The following EXT2 variants were observed in gnomAD, a reference collection of about 807,000 sequenced individuals.
EXT2 encodes exostosin glycosyltransferase 2.
A neutral mutation model predicts 81.6 loss-of-function variants in EXT2; 53 were observed. The observed-to-expected ratio is 0.65, with a 90% CI of 0.52 to 0.82. The LOEUF is 0.82. Among genes scored for constraint, EXT2 ranks in the 40% least tolerant of loss-of-function variants. The probability of loss-of-function intolerance (pLI) is 0.00; values close to 1 mark genes in which losing one functional copy is unlikely to be tolerated. For missense variants in EXT2, 774 were observed against 910.2 expected (o/e 0.85, Z 1.93); for synonymous variants, 320 against 340.0 (o/e 0.94, Z 0.65).
intron 7 of EXT2, among the ~76,000 whole-genome samples, chr11:44,158,319 T>G (rs1954882995): frequency 6.6e-6 from 1 of 152,180 alleles, no homozygotes; most frequent in African/African-American, 2.4e-5. Context: ...CTTTCAAGTT[T>G]ATTTAGGACC....
chr11:44,233,726 G>C (rs1955925146), intron 11 of EXT2, among the ~76,000 whole-genome samples: 1 of 151,984 alleles, frequency 6.6e-6, no homozygotes, highest in Non-Finnish European at 1.5e-5. Context: ...TCCAGAAATG[G>C]GTTTTTTTAT....
intron 12 of EXT2, among the ~76,000 whole-genome samples, chr11:44,235,296 A>G (rs1174490358): frequency 8.4e-6 from 1 of 119,742 alleles, no homozygotes; most frequent in Non-Finnish European, 1.6e-5. Flanking sequence ...GTGCAGTGGC[A>G]CAGTCTCGGC....
chr11:44,103,738 T>A (rs1356881592), intron 1 of EXT2: 1 of 393,032 alleles, frequency 2.5e-6, no homozygotes, highest in South Asian at 2.0e-5. Context: ...CTCCTTGAGA[T>A]GCTTTTGGTA....
chr11:44,182,788 A>G (rs779339003), intron 8 of EXT2, among the ~76,000 whole-genome samples: 1 of 152,232 alleles, frequency 6.6e-6, no homozygotes, highest in Non-Finnish European at 1.5e-5. Context: ...TTGGTGCAAT[A>G]TTATTATTTA....
chr11:44,233,577 T>A (rs1176650961), intron 11 of EXT2, among the ~76,000 whole-genome samples: 2 of 152,210 alleles, frequency 1.3e-5, no homozygotes, highest in African/African-American at 2.4e-5. Flanking sequence ...ACTTGTCTGT[T>A]GTCAGCAGTA....
intron 8 of EXT2, among the ~76,000 whole-genome samples, chr11:44,186,283 C>T (rs779625310): frequency 3.3e-5 from 5 of 152,188 alleles, no homozygotes; most frequent in Non-Finnish European, 5.9e-5. Flanking sequence ...TACTTGCAGA[C>T]TGCTGTAACT....
chr11:44,145,231 A>G (rs1954700902), intron 7 of EXT2, among the ~76,000 whole-genome samples: 1 of 152,192 alleles, frequency 6.6e-6, no homozygotes. Context: ...TTGGCAAGAA[A>G]TCAAACATCT....
intron 9 of EXT2, 189 bp downstream of exon 9, chr11:44,198,207 C>T: frequency 1.5e-6 from 1 of 646,912 alleles, no homozygotes; most frequent in South Asian, 1.8e-5. Context: ...CCCTGGCATA[C>T]TCTGTAGCCA....
chr11:44,200,439 T>C (rs1370484787), intron 9 of EXT2, among the ~76,000 whole-genome samples: 1 of 152,172 alleles, frequency 6.6e-6, no homozygotes, highest in Non-Finnish European at 1.5e-5. Flanking sequence ...TTTCATCACA[T>C]TGATTTTGAG....
intron 8 of EXT2, among the ~76,000 whole-genome samples, chr11:44,173,930 G>A (rs4755789): frequency 0.91 from 139,285 of 152,282 alleles, 63,794 homozygotes; most frequent in East Asian, 0.99. Context: ...TAAATATGTG[G>A]ACATATCTAC....
intron 9 of EXT2, among the ~76,000 whole-genome samples, chr11:44,206,001 G>A (rs1955578128): frequency 1.3e-5 from 2 of 152,208 alleles, no homozygotes; most frequent in South Asian, 4.1e-4. Flanking sequence ...AAGTAGAATG[G>A]GAAAAAAATG....
At chr11:44,213,273 C>T (rs1308441534) in intron 10 of EXT2, among the ~76,000 whole-genome samples, 1 of 152,108 alleles carries the variant, frequency 6.6e-6, no homozygotes, top group South Asian at 2.1e-4. Flanking sequence ...AAGTAGAAAA[C>T]AGACCAACAG....
chr11:44,136,981 GT>G lies in EXT2; in HGVS notation c.1173+6854del, dbSNP rs1038243663. Among the ~76,000 whole-genome samples, 47 of 147,198 alleles carry G rather than the reference GT, an allele frequency of 3.2e-4. 1 individual carries two copies. In the Middle Eastern group the frequency reaches 0.011, roughly 33 times the overall value. On this transcript the variant is annotated intron_variant, in intron 7 of 13. Transcript: ENST00000533608. ...TTTGTGGGATATTTTAAATTTCACA[GT>G]TTTTTTTTTTCAGTAGCACTCTATA...
chr11:44,248,968 T>TG lies in EXT2; in HGVS notation c.*4681_*4682insG, dbSNP rs1956118043. Reference sequence around the variant, plus strand: ...TTGCAACCATTTCAGGGTAGAGTTTTTTTGTTTGTTTGTTTGTTTGTTTTT... The same window carrying TG: ...TTGCAACCATTTCAGGGTAGAGTTTTGTTTGTTTGTTTGTTTGTTTGTTTTT... On this transcript the variant is annotated 3_prime_UTR_variant, in exon 14 of 14. Transcript: ENST00000533608. Among the ~76,000 whole-genome samples the TG allele has an allele frequency of 6.6e-6, 1 of 152,062 alleles. No homozygotes were observed. The highest frequency in any genetic ancestry group is 2.4e-5 in the African/African-American group (1 of 41,456).
intron 4 of EXT2, among the ~76,000 whole-genome samples, chr11:44,115,243 CAG>C (rs1954205329): frequency 6.6e-6 from 1 of 152,152 alleles, no homozygotes; most frequent in Admixed American, 6.6e-5. Flanking sequence ...TTTTAAGTGA[CAG>C]AGTCTTGCTA....
At chr11:44,153,969 G>A (rs1013688164) in intron 7 of EXT2, among the ~76,000 whole-genome samples, 1 of 150,926 alleles carries the variant, frequency 6.6e-6, no homozygotes, top group Non-Finnish European at 1.5e-5. Flanking sequence ...AGAGATATTG[G>A]TCTGTAGTTT....
intron 10 of EXT2, among the ~76,000 whole-genome samples, chr11:44,219,729 T>C (rs1412239684): frequency 1.3e-5 from 2 of 152,168 alleles, no homozygotes; most frequent in Non-Finnish European, 2.9e-5. Flanking sequence ...ATGGATGGGT[T>C]CTAGGAAAGG....
chr11:44,242,854 T>A (rs1956052119), intron 13 of EXT2, among the ~76,000 whole-genome samples: 1 of 152,208 alleles, frequency 6.6e-6, no homozygotes, highest in South Asian at 2.1e-4. Flanking sequence ...TTCTAGTTAT[T>A]TGACCTTTGA....
At chr11:44,128,603 A>T (rs139506270) in intron 6 of EXT2, among the ~76,000 whole-genome samples, 2 of 152,320 alleles carry the variant, frequency 1.3e-5, no homozygotes, top group East Asian at 3.9e-4. Flanking sequence ...AGGGGGAGAC[A>T]CACACCATCA....
Sources: gnomAD v4.1 joint callset for allele counts (sites outside exome capture counted in the v4.1 genomes callset) on GRCh38, gnomAD v4.1.1 for gene constraint, MANE v1.5 for transcripts, NCBI Gene and HGNC (gene_info 2026-07-23, HGNC 2026-07-21) for gene names.